Variants in SH3BP5 observed in about 807,000 individuals in gnomAD.
SH3BP5 encodes SH3 domain-binding protein 5.
SH3BP5 carries 22 observed loss-of-function variants against 43.3 expected under a neutral mutation model. The observed-to-expected ratio is 0.51, with a 90% CI of 0.36 to 0.73. SH3BP5 has a LOEUF of 0.73. Among genes scored for constraint, SH3BP5 ranks in the 30% least tolerant of loss-of-function variants. SH3BP5 has a pLI of 0.00. For synonymous variants in SH3BP5, 255 were observed against 225.8 expected, an observed-to-expected ratio of 1.13 and a Z score of -1.16; for missense variants, 529 against 586.9, an observed-to-expected ratio of 0.90 and a Z score of 1.02.
chr3:15,258,654 C>G lies in SH3BP5; in HGVS notation c.889+177G>C, dbSNP rs570567718. 176 of 601,894 alleles carry G rather than the reference C, an allele frequency of 2.9e-4. 2 individuals are homozygous for G. Among genetic ancestry groups the G allele is most frequent in the South Asian group, 2.7e-3 (133 of 49,248 alleles). 37.3% of individuals were successfully genotyped at this position (601,894 alleles called of 1,614,324 possible). The stretch of plus-strand genomic sequence containing the variant: ...CACAGAATCCTGACTTTGAGGAACA[C>G]TTAGTACCTTCTTAATGAACACAGT... On this transcript the variant is annotated intron_variant, in intron 7 of 8. Coordinates refer to ENST00000383791, the MANE Select transcript of SH3BP5 (RefSeq NM_004844.5).
At chr3:15,274,990 T>C (rs1240904012) in intron 3 of SH3BP5, among the ~76,000 whole-genome samples, 1 of 152,218 alleles carries the variant, frequency 6.6e-6, no homozygotes, top group African/African-American at 2.4e-5. Context: ...CCAACATCGC[T>C]GATTACAATT....
At chr3:15,282,375 CTA>C (rs1300558718) in intron 3 of SH3BP5, among the ~76,000 whole-genome samples, 1 of 152,106 alleles carries the variant, frequency 6.6e-6, no homozygotes, top group Non-Finnish European at 1.5e-5. Context: ...GTTGCTTTTG[CTA>C]TCTTATTTAT....
intron 3 of SH3BP5, among the ~76,000 whole-genome samples, chr3:15,286,565 T>C (rs1697270324): frequency 6.6e-6 from 1 of 152,238 alleles, no homozygotes; most frequent in Non-Finnish European, 1.5e-5. Flanking sequence ...CTTTTGTTTT[T>C]GAGACAAGGT....
At position 15,330,584 on chromosome 3, in the gene SH3BP5, G is replaced by A. The variant is rs145836745; in HGVS notation, c.139-18C>T. The A allele has an allele frequency of 3.8e-4, 604 of 1,569,448 alleles. 5 individuals carry two copies. In the African/African-American group the frequency reaches 6.8e-3, roughly 18 times the overall value. On this transcript the variant is annotated intron_variant, in intron 1 of 8. Transcript: ENST00000383791. ...AGTTCTCCCTGGTGAAGAAAAGAGG[G>A]AGAAAAAAAGACTTAAGGGATCCGT...
Position 15,273,461 on chromosome 3 carries a change from G to A in SH3BP5, c.331-3584C>T, listed in dbSNP as rs760995621. On this transcript the variant is annotated intron_variant, in intron 3 of 8. Transcript: ENST00000383791. The stretch of plus-strand genomic sequence containing the variant: ...GCTGCCTTTGAGAAGAACATGTGCT[G>A]TCAAATTCCGGACAAGCGTCTGAAG... 4 of 935,766 alleles carry A rather than the reference G, an allele frequency of 4.3e-6. No homozygotes were observed. In the Admixed American group the frequency reaches 2.5e-4, roughly 58 times the overall value. 58.0% of individuals were successfully genotyped at this position (935,766 alleles called of 1,614,324 possible).
chr3:15,272,032 C>A lies in SH3BP5; in HGVS notation c.331-2155G>T, dbSNP rs377261112. Among the ~76,000 whole-genome samples the A allele has an allele frequency of 6.0e-4, 91 of 152,280 alleles. No individual in the cohort carries two copies. In the South Asian group the frequency reaches 0.017, roughly 29 times the overall value. ...CCCTGGTGGGACGTCCCTAAGGCAG[C>A]CCCTGGGACTCGGGAAGAGGGGAAC... is the stretch of plus-strand genomic sequence containing the variant. On this transcript the variant is annotated intron_variant, in intron 3 of 8. Coordinates refer to ENST00000383791, the MANE Select transcript of SH3BP5 (RefSeq NM_004844.5).
chr3:15,307,908 G>T (rs1697954802), intron 2 of SH3BP5, among the ~76,000 whole-genome samples: 1 of 152,172 alleles, frequency 6.6e-6, no homozygotes, highest in Non-Finnish European at 1.5e-5. Flanking sequence ...TGTTAAATGA[G>T]AATTGAGCCC....
At chr3:15,293,714 C>T (rs1697477873) in intron 3 of SH3BP5, among the ~76,000 whole-genome samples, 1 of 152,182 alleles carries the variant, frequency 6.6e-6, no homozygotes, top group African/African-American at 2.4e-5. Context: ...TCACTCCTGT[C>T]CTCGCAAGGT....
chr3:15,301,344 G>A (rs1408887014), intron 3 of SH3BP5, among the ~76,000 whole-genome samples: 4 of 152,128 alleles, frequency 2.6e-5, no homozygotes, highest in Admixed American at 6.5e-5. Context: ...GTCTGTTGGT[G>A]GCTCCCCAAC....
intron 3 of SH3BP5, among the ~76,000 whole-genome samples, chr3:15,283,921 A>G (rs1327546296): frequency 6.6e-6 from 1 of 152,190 alleles, no homozygotes; most frequent in Non-Finnish European, 1.5e-5. Context: ...AGCCCTGCTT[A>G]GAAGTATTGT....
At chr3:15,314,542 G>T (rs1415037457) in intron 2 of SH3BP5, among the ~76,000 whole-genome samples, 1 of 152,180 alleles carries the variant, frequency 6.6e-6, no homozygotes, top group Non-Finnish European at 1.5e-5. Flanking sequence ...GAAAGGCCAA[G>T]GCAGGAGGGT....
rs1697452865 is a variant in SH3BP5 at position 15,292,878 on chromosome 3, T to G, written c.330+11225A>C. 3.3e-5 allele frequency among the ~76,000 whole-genome samples: 5 copies of G among 151,846 alleles called. No homozygotes were observed. In the South Asian group the frequency reaches 1.0e-3, roughly 32 times the overall value. On this transcript the variant is annotated intron_variant, in intron 3 of 8. Transcript: ENST00000383791. ...GAAAAAAGAAAAGAAAACCTCAAGA[T>G]CAGCAACACTCTCCCTGCTCCAGCC...
chr3:15,302,693 A>G (rs572260627), intron 3 of SH3BP5, among the ~76,000 whole-genome samples: 66 of 152,102 alleles, frequency 4.3e-4, no homozygotes, highest in Admixed American at 1.4e-3. Context: ...GATTTCTGGG[A>G]CTTAATTTCC....
intron 3 of SH3BP5, among the ~76,000 whole-genome samples, chr3:15,284,802 C>T (rs1697220184): frequency 6.6e-6 from 1 of 152,218 alleles, no homozygotes; most frequent in South Asian, 2.1e-4. Flanking sequence ...GAGCTTTCTA[C>T]TCTTGGCCTA....
intron 4 of SH3BP5, among the ~76,000 whole-genome samples, 195 bp from the exon 5 acceptor site, chr3:15,262,484 C>T (rs565685589): frequency 1.2e-3 from 175 of 152,106 alleles, no homozygotes; most frequent in Non-Finnish European, 2.0e-3. Context: ...ATGGTGAAAC[C>T]CGTCACTGCT....
At chr3:15,303,597 C>T (rs1276086025) in intron 3 of SH3BP5, among the ~76,000 whole-genome samples, 2 of 151,536 alleles carry the variant, frequency 1.3e-5, no homozygotes, top group African/African-American at 4.9e-5. Context: ...TTTGGGCTCT[C>T]AGGACAAAGA....
At chr3:15,300,716 G>A (rs1697714699) in intron 3 of SH3BP5, among the ~76,000 whole-genome samples, 1 of 152,048 alleles carries the variant, frequency 6.6e-6, no homozygotes, top group Non-Finnish European at 1.5e-5. Flanking sequence ...CTTCGCTATT[G>A]ACCAACAAGG....
chr3:15,330,499 T>G lies in SH3BP5; in HGVS notation c.201+5A>C, dbSNP rs773074117. On this transcript the variant is annotated splice_donor_5th_base_variant and intron_variant, in intron 2 of 8. Coordinates refer to ENST00000383791, the MANE Select transcript of SH3BP5 (RefSeq NM_004844.5). ...CACCAAGAACAGGAACTCAGCTCTCTGTACCTCAAGTTCAGTCTCCCGTCT... is the reference window on the plus strand; with the variant it reads ...CACCAAGAACAGGAACTCAGCTCTCGGTACCTCAAGTTCAGTCTCCCGTCT... 3.7e-6 allele frequency: 6 copies of G among 1,611,418 alleles called. No homozygotes were observed. The South Asian group carries it at 6.6e-5, about 18-fold the overall frequency.
chr3:15,320,779 T>C (rs1698307122), intron 2 of SH3BP5, among the ~76,000 whole-genome samples: 1 of 152,170 alleles, frequency 6.6e-6, no homozygotes, highest in Non-Finnish European at 1.5e-5. Context: ...GGGATAGCAA[T>C]GAATCCATCA....
Sources: gnomAD v4.1 joint callset for allele counts (sites outside exome capture counted in the v4.1 genomes callset) on GRCh38, gnomAD v4.1.1 for gene constraint, MANE v1.5 for transcripts, NCBI Gene and HGNC (gene_info 2026-07-23, HGNC 2026-07-21) for gene names.